ST3GAL6: variants seen among roughly 807,000 people sequenced by gnomAD.
The protein encoded by ST3GAL6 is ST3 beta-galactoside alpha-2,3-sialyltransferase 6, also known as type 2 lactosamine alpha-2,3-sialyltransferase.
Under a neutral mutation model 40.5 loss-of-function variants are expected in ST3GAL6, and 31 were observed. The ratio of observed to expected loss-of-function variants is 0.77; its 90% CI spans 0.58 to 1.03. The LOEUF (loss-of-function observed/expected upper bound fraction) is 1.03. Among genes scored for constraint, ST3GAL6 ranks in the 50% least tolerant of loss-of-function variants. ST3GAL6 has a pLI of 0.00. For synonymous variants in ST3GAL6, 129 were observed against 136.9 expected, an observed-to-expected ratio of 0.94 and a Z score of 0.40; for missense variants, 357 against 393.2, an observed-to-expected ratio of 0.91 and a Z score of 0.78.
chr3:98,787,356 C>T (rs899395190), intron 6 of ST3GAL6, among the ~76,000 whole-genome samples: 16 of 152,216 alleles, frequency 1.1e-4, no homozygotes, highest in South Asian at 4.1e-4. Flanking sequence ...GTATTTATCT[C>T]TTTGGGGACA....
chr3:98,751,619 CT>C (rs1398288095), intron 1 of ST3GAL6, among the ~76,000 whole-genome samples: 1 of 152,064 alleles, frequency 6.6e-6, no homozygotes, highest in Non-Finnish European at 1.5e-5. Context: ...TCTTTAATGC[CT>C]TTCAGTACAG....
chr3:98,787,479 T>C (rs1483888523), intron 6 of ST3GAL6, among the ~76,000 whole-genome samples: 1 of 152,234 alleles, frequency 6.6e-6, no homozygotes, highest in African/African-American at 2.4e-5. Flanking sequence ...AGTAGATCCT[T>C]TGTGGTTCTT....
chr3:98,769,204 A>G (rs1005584958), intron 2 of ST3GAL6, among the ~76,000 whole-genome samples: 2 of 152,218 alleles, frequency 1.3e-5, no homozygotes, highest in African/African-American at 4.8e-5. Flanking sequence ...AGTACATCTT[A>G]GATCATGTTT....
At chr3:98,756,560 C>T in intron 1 of ST3GAL6, 1 of 1,224,322 alleles carries the variant, frequency 8.2e-7, no homozygotes, top group Non-Finnish European at 1.0e-6. Flanking sequence ...GGCAACACCA[C>T]CATTGTCTCA....
At chr3:98,784,589 T>G (rs1940502696) in intron 5 of ST3GAL6, 1 of 200,180 alleles carries the variant, frequency 5.0e-6, no homozygotes, top group Admixed American at 5.3e-5. Flanking sequence ...ACATGCTAGT[T>G]CCACTTTGGA....
At chr3:98,734,415 A>C (rs1935344402) in intron 1 of ST3GAL6, among the ~76,000 whole-genome samples, 1 of 152,208 alleles carries the variant, frequency 6.6e-6, no homozygotes, top group South Asian at 2.1e-4. Flanking sequence ...GGATAATGGC[A>C]ACTTTGCTTA....
rs1392994622 is a variant in ST3GAL6 at position 98,746,404 on chromosome 3, AT to A, written c.-12+13883del. Among the ~76,000 whole-genome samples, 1,026 of 148,008 alleles carry A rather than the reference AT, an allele frequency of 6.9e-3. 12 individuals carry two copies. Among genetic ancestry groups the A allele is most frequent in the African/African-American group, 0.023 (950 of 40,548 alleles). On this transcript the variant is annotated intron_variant, in intron 1 of 9. Coordinates refer to the ST3GAL6 transcript ENST00000265261. ...GTGACGTTTTTCATTGGGAGCCCAG[AT>A]TTTTTTTTTTAATTTACCTTCTTGG...
chr3:98,779,655 CT>C (rs1939886764), intron 5 of ST3GAL6, among the ~76,000 whole-genome samples: 1 of 152,220 alleles, frequency 6.6e-6, no homozygotes, highest in Non-Finnish European at 1.5e-5. Context: ...AGAAACACAG[CT>C]TTCACCTGGG....
chr3:98,775,571 A>G lies in ST3GAL6; in HGVS notation c.335+1588A>G, dbSNP rs540128010. ...TCCATACATGCAAGCTACTGTCAGG[A>G]TTCTGGAGGCTATATGACTAGAAGT... On this transcript the variant is annotated intron_variant, in intron 5 of 9. Coordinates refer to ENST00000483910, the MANE Select transcript of ST3GAL6 (RefSeq NM_001323368.2). Among the ~76,000 whole-genome samples, 46 of 152,084 alleles carry G rather than the reference A, an allele frequency of 3.0e-4. No homozygotes were observed. The South Asian group carries it at 9.3e-3, about 31-fold the overall frequency.
chr3:98,768,610 TG>T, intron 2 of ST3GAL6, 81 bp downstream of exon 2: 1 of 1,025,582 alleles, frequency 9.8e-7, no homozygotes, highest in Admixed American at 2.1e-5. Context: ...GAGGGTCCTA[TG>T]AAAAAAACTT....
chr3:98,740,014 TAA>T (rs1935925812), intron 1 of ST3GAL6, among the ~76,000 whole-genome samples: 3 of 152,326 alleles, frequency 2.0e-5, no homozygotes, highest in South Asian at 4.1e-4. Flanking sequence ...TTTTAATATT[TAA>T]AGCCAATATT....
intron 1 of ST3GAL6, among the ~76,000 whole-genome samples, chr3:98,738,327 G>T (rs1044437550): frequency 4.6e-5 from 7 of 151,390 alleles, no homozygotes; most frequent in Non-Finnish European, 1.0e-4. Context: ...AAGCTGAAAT[G>T]CAGTGGCACA....
intron 1 of ST3GAL6, among the ~76,000 whole-genome samples, chr3:98,734,962 G>A (rs909256811): frequency 6.6e-5 from 10 of 152,258 alleles, no homozygotes; most frequent in African/African-American, 2.4e-4. Flanking sequence ...CATGCAGACT[G>A]CCAGATGGCT....
intron 5 of ST3GAL6, among the ~76,000 whole-genome samples, chr3:98,781,685 C>T (rs1263555303): frequency 6.6e-6 from 1 of 152,068 alleles, no homozygotes; most frequent in African/African-American, 2.4e-5. Flanking sequence ...TGCAGGAGCC[C>T]CTGAGGCACC....
At chr3:98,737,463 T>C (rs1935653259) in intron 1 of ST3GAL6, among the ~76,000 whole-genome samples, 2 of 152,168 alleles carry the variant, frequency 1.3e-5, no homozygotes, top group Non-Finnish European at 2.9e-5. Context: ...ATTTCCCCTC[T>C]CTTTTCCCTA....
upstream of ST3GAL6, among the ~76,000 whole-genome samples, chr3:98,761,369 A>C (rs1302811269): frequency 1.3e-5 from 2 of 152,188 alleles, no homozygotes; most frequent in Non-Finnish European, 2.9e-5. Flanking sequence ...GCACTTTGGG[A>C]GGCCGAGGTG....
At chr3:98,756,300 A>C (rs752634395) in intron 1 of ST3GAL6, 22 of 1,246,596 alleles carry the variant, frequency 1.8e-5, no homozygotes, top group Non-Finnish European at 2.2e-5. Context: ...AGTTTTAAAA[A>C]TGACTTTACA....
At position 98,772,894 on chromosome 3, in the gene ST3GAL6, G is replaced by A. The variant is rs1166032362; in HGVS notation, c.249G>A (p.Leu83=). ...ASLYGSDKFD[L]PYGMRTSAEY... is the part of the protein sequence containing the mutation. ...TGTATGGTAGCGATAAGTTTGATTT[G>A]CCCTATGGGATGAGAACATCAGGTC... Residue 83 remains leucine, a synonymous_variant, in exon 4 of 10, where the codon TTG becomes TTA. Transcript: ENST00000483910. 1 of 1,612,056 alleles carries A rather than the reference G, an allele frequency of 6.2e-7. No individual in the cohort carries two copies.
At chr3:98,751,865 A>C (rs562493457) in intron 1 of ST3GAL6, among the ~76,000 whole-genome samples, 12 of 152,270 alleles carry the variant, frequency 7.9e-5, no homozygotes, top group African/African-American at 2.9e-4. Context: ...ACTTTTAAAA[A>C]CTTTCTTTGG....
Sources: allele counts gnomAD v4.1 joint callset (sites outside exome capture counted in the v4.1 genomes callset), GRCh38; gene constraint gnomAD v4.1.1; transcripts MANE v1.5; gene names NCBI Gene and HGNC (gene_info 2026-07-23, HGNC 2026-07-21).